PDE3A: variants seen among roughly 807,000 people sequenced by gnomAD.
PDE3A encodes cGMP-inhibited 3',5'-cyclic phosphodiesterase 3A.
Under a neutral mutation model 98.3 loss-of-function variants are expected in PDE3A, and 43 were observed. The observed-to-expected ratio is 0.44, with a 90% CI of 0.34 to 0.56. The LOEUF (loss-of-function observed/expected upper bound fraction) is 0.56. PDE3A is among the 20% of genes least tolerant of loss of function. The pLI, the probability that PDE3A is intolerant of heterozygous loss-of-function variation, is 0.01. For synonymous variants in PDE3A, 663 were observed against 567.9 expected (o/e 1.17, Z -2.38); for missense variants, 1,427 against 1,440.7 (o/e 0.99, Z 0.15).
intron 2 of PDE3A, among the ~76,000 whole-genome samples, chr12:20,586,490 A>G (rs1943200770): frequency 6.6e-6 from 1 of 152,218 alleles, no homozygotes; most frequent in Admixed American, 6.5e-5. Flanking sequence ...TTAGTCTTAA[A>G]GTGACATAGT....
At chr12:20,555,046 G>A (rs1015025360) in intron 1 of PDE3A, among the ~76,000 whole-genome samples, 6 of 151,862 alleles carry the variant, frequency 4.0e-5, no homozygotes, top group African/African-American at 9.7e-5. Flanking sequence ...TTTTGAGATG[G>A]AGTCTCACTT....
At chr12:20,663,464 C>T (rs1052900500) in intron 15 of PDE3A, among the ~76,000 whole-genome samples, 1 of 142,472 alleles carries the variant, frequency 7.0e-6, no homozygotes, top group African/African-American at 2.4e-5. Flanking sequence ...GTGCTGTACC[C>T]TGCAAAGCCA....
intron 1 of PDE3A, among the ~76,000 whole-genome samples, chr12:20,480,905 C>T (rs1357621927): frequency 6.6e-6 from 1 of 152,226 alleles, no homozygotes; most frequent in African/African-American, 2.4e-5. Context: ...AAATTGTCTT[C>T]ATTGACTTGA....
At chr12:20,499,028 T>G (rs1346437562) in intron 1 of PDE3A, among the ~76,000 whole-genome samples, 3 of 152,144 alleles carry the variant, frequency 2.0e-5, no homozygotes, top group African/African-American at 4.8e-5. Flanking sequence ...TTTTTGCACT[T>G]TTGGGGCCAT....
intron 1 of PDE3A, among the ~76,000 whole-genome samples, chr12:20,418,642 T>A (rs1944462391): frequency 6.6e-6 from 1 of 152,212 alleles, no homozygotes; most frequent in African/African-American, 2.4e-5. Flanking sequence ...GTTTTTTTCC[T>A]TTCTTTTTGT....
chr12:20,422,249 G>A (rs924571113), intron 1 of PDE3A, among the ~76,000 whole-genome samples: 11 of 152,026 alleles, frequency 7.2e-5, no homozygotes, highest in African/African-American at 1.9e-4. Context: ...GGGAGGCTGA[G>A]GGGAGAATGG....
At chr12:20,621,459 T>G in intron 5 of PDE3A, 48 bp downstream of exon 5, 2 of 979,226 alleles carry the variant, frequency 2.0e-6, no homozygotes, top group Non-Finnish European at 3.3e-6. Context: ...TGTGGAGTTC[T>G]AGAGTAAACC....
intron 14 of PDE3A, among the ~76,000 whole-genome samples, chr12:20,652,928 A>G (rs1944956109): frequency 6.6e-6 from 1 of 152,236 alleles, no homozygotes; most frequent in South Asian, 2.1e-4. Context: ...TTTTTAAAAC[A>G]TCATGAAATC....
chr12:20,565,539 A>G (rs10450677), intron 2 of PDE3A, among the ~76,000 whole-genome samples: 5,632 of 152,084 alleles, frequency 0.037, 313 homozygotes, highest in African/African-American at 0.13. Context: ...AACTAGAACA[A>G]ATAATCAGAT....
At chr12:20,530,842 C>T (rs1946612706) in intron 1 of PDE3A, among the ~76,000 whole-genome samples, 2 of 152,154 alleles carry the variant, frequency 1.3e-5, no homozygotes, top group Non-Finnish European at 2.9e-5. Flanking sequence ...AGAAATTAAT[C>T]ATGTTCTTAA....
chr12:20,522,118 T>C (rs1370358287), intron 1 of PDE3A, among the ~76,000 whole-genome samples: 1 of 152,064 alleles, frequency 6.6e-6, no homozygotes, highest in Non-Finnish European at 1.5e-5. Context: ...TGGGACACAC[T>C]TTCAGGTGTG....
chr12:20,558,453 T>G (rs1164003985), intron 2 of PDE3A, among the ~76,000 whole-genome samples: 2 of 152,014 alleles, frequency 1.3e-5, no homozygotes, highest in Non-Finnish European at 2.9e-5. Flanking sequence ...TTTGGATCTC[T>G]TAACCAGCAA....
chr12:20,392,576 T>C (rs1055535614), intron 1 of PDE3A, among the ~76,000 whole-genome samples: 10 of 151,862 alleles, frequency 6.6e-5, no homozygotes, highest in African/African-American at 2.2e-4. Flanking sequence ...CTGGACATTA[T>C]GGAAAACAGT....
chr12:20,546,474 G>A (rs1418005846), intron 1 of PDE3A, among the ~76,000 whole-genome samples: 1 of 151,934 alleles, frequency 6.6e-6, no homozygotes, highest in Non-Finnish European at 1.5e-5. Context: ...ACCTCTGCTA[G>A]AGCCTGCAGT....
intron 15 of PDE3A, among the ~76,000 whole-genome samples, chr12:20,668,507 C>A (rs2120397720): frequency 6.6e-6 from 1 of 152,296 alleles, no homozygotes; most frequent in South Asian, 2.1e-4. Flanking sequence ...GATCTGAGAA[C>A]AGGCAGACTG....
At chr12:20,678,446 C>A (rs1230178950) in intron 15 of PDE3A, among the ~76,000 whole-genome samples, 1 of 152,122 alleles carries the variant, frequency 6.6e-6, no homozygotes, top group South Asian at 2.1e-4. Flanking sequence ...CCCTCCAAGA[C>A]AAGTTTCTTA....
At chr12:20,594,938 T>G (rs1565442554) in intron 2 of PDE3A, among the ~76,000 whole-genome samples, 1 of 151,954 alleles carries the variant, frequency 6.6e-6, no homozygotes, top group Admixed American at 6.6e-5. Context: ...TTATAAAATT[T>G]TATTATTACC....
chr12:20,627,083 A>G (rs1371048327), intron 5 of PDE3A, among the ~76,000 whole-genome samples: 1 of 151,916 alleles, frequency 6.6e-6, no homozygotes, highest in African/African-American at 2.4e-5. Context: ...TGCCTTCAGA[A>G]AAAACAGGGT....
chr12:20,482,013 C>T (rs1945639356), intron 1 of PDE3A, among the ~76,000 whole-genome samples: 1 of 151,910 alleles, frequency 6.6e-6, no homozygotes, highest in Admixed American at 6.6e-5. Context: ...ATCCACCTGC[C>T]TCGGCCTCCC....
Sources: gnomAD v4.1 joint callset for allele counts (sites outside exome capture counted in the v4.1 genomes callset) on GRCh38, gnomAD v4.1.1 for gene constraint, MANE v1.5 for transcripts, NCBI Gene and HGNC (gene_info 2026-07-23, HGNC 2026-07-21) for gene names.